Variants in SLC14A2 observed in about 807,000 individuals in gnomAD.
SLC14A2 encodes solute carrier family 14 member 2.
SLC14A2 carries 91 observed loss-of-function variants against 104.6 expected under a neutral mutation model. That is an observed-to-expected ratio of 0.87 (90% CI 0.73 to 1.04). The LOEUF (loss-of-function observed/expected upper bound fraction) is 1.04. Ranked by LOEUF, SLC14A2 falls within the 50% of genes least tolerant of loss-of-function variation. The probability of loss-of-function intolerance (pLI) is 0.00; values close to 1 mark genes in which losing one functional copy is unlikely to be tolerated. For synonymous variants in SLC14A2, 476 were observed against 466.4 expected, an observed-to-expected ratio of 1.02 and a Z score of -0.27; for missense variants, 1,189 against 1,156.0, an observed-to-expected ratio of 1.03 and a Z score of -0.41.
chr18:45,204,699 AG>A, the SLC14A2 span, among the ~76,000 whole-genome samples: 14 of 152,136 alleles, frequency 9.2e-5, no homozygotes, highest in African/African-American at 3.4e-4. Context: ...GCTGATGTCA[AG>A]GGAAGATTTA....
chr18:45,369,322 G>T (rs908957713), intron 1 of SLC14A2, among the ~76,000 whole-genome samples: 1 of 152,110 alleles, frequency 6.6e-6, no homozygotes, highest in Non-Finnish European at 1.5e-5. Context: ...AAGGGTGTTT[G>T]TTCTCTTCTG....
chr18:45,466,962 A>G lies in SLC14A2; in HGVS notation c.-124-16271A>G, dbSNP rs116453914. 3.5e-3 allele frequency among the ~76,000 whole-genome samples: 536 copies of G among 152,150 alleles called. 3 individuals are homozygous for G. The highest frequency in any genetic ancestry group is 0.013 in the African/African-American group (523 of 41,502). On this transcript the variant is annotated intron_variant, in intron 1 of 20. Coordinates refer to the SLC14A2 transcript ENST00000586448. ...CCGCGGAGCTCTAATTCTTTCAGGGACATGTGTATTTTATTTCTTATCTAC... is the reference window on the plus strand; with the variant it reads ...CCGCGGAGCTCTAATTCTTTCAGGGGCATGTGTATTTTATTTCTTATCTAC...
At chr18:45,322,840 G>A (rs187464294) in intron 1 of SLC14A2, among the ~76,000 whole-genome samples, 22 of 152,206 alleles carry the variant, frequency 1.4e-4, no homozygotes, top group African/African-American at 4.8e-4. Flanking sequence ...CAGAGACACC[G>A]AGGTTCTTTG....
At chr18:45,345,453 T>C (rs1369692829) in intron 1 of SLC14A2, among the ~76,000 whole-genome samples, 7 of 152,154 alleles carry the variant, frequency 4.6e-5, no homozygotes, top group Admixed American at 4.6e-4. Context: ...GATCATGCCA[T>C]GCACGTGATG....
At chr18:45,392,772 G>A (rs1453745679) in intron 1 of SLC14A2, among the ~76,000 whole-genome samples, 3 of 152,160 alleles carry the variant, frequency 2.0e-5, no homozygotes, top group South Asian at 4.1e-4. Flanking sequence ...GAGCACATTT[G>A]TTGTCTAATA....
At chr18:45,535,808 C>T (rs1443148483) in intron 2 of SLC14A2, among the ~76,000 whole-genome samples, 1 of 152,204 alleles carries the variant, frequency 6.6e-6, no homozygotes, top group Admixed American at 6.5e-5. Context: ...CAGATCCCTA[C>T]TTACTAAACA....
chr18:45,486,014 C>G (rs1159138679), intron 2 of SLC14A2, among the ~76,000 whole-genome samples: 2 of 152,156 alleles, frequency 1.3e-5, no homozygotes, highest in African/African-American at 4.8e-5. Context: ...CTCTACTTCC[C>G]CTACTTTCTT....
At chr18:45,518,788 C>T (rs775899094) in intron 2 of SLC14A2, among the ~76,000 whole-genome samples, 1 of 152,162 alleles carries the variant, frequency 6.6e-6, no homozygotes, top group Non-Finnish European at 1.5e-5. Context: ...AGCAGGAGGA[C>T]CTCAGGTTTT....
chr18:45,290,753 A>C (rs536904182), intron 1 of SLC14A2, among the ~76,000 whole-genome samples: 1 of 152,056 alleles, frequency 6.6e-6, no homozygotes, highest in South Asian at 2.1e-4. Flanking sequence ...TGGTTAAACA[A>C]AATATTAATT....
At chr18:45,286,006 C>G (rs550713462) in intron 1 of SLC14A2, among the ~76,000 whole-genome samples, 102 of 152,264 alleles carry the variant, frequency 6.7e-4, no homozygotes, top group African/African-American at 2.4e-3. Context: ...AGCTCCCTAC[C>G]ACTGCCCTAG....
At chr18:45,328,658 A>T (rs2085259610) in intron 1 of SLC14A2, among the ~76,000 whole-genome samples, 1 of 152,124 alleles carries the variant, frequency 6.6e-6, no homozygotes, top group Non-Finnish European at 1.5e-5. Flanking sequence ...CTCTTCCTTG[A>T]CCCTAACTGG....
intron 18 of SLC14A2, among the ~76,000 whole-genome samples, chr18:45,675,347 G>T (rs1051732345): frequency 5.3e-5 from 8 of 152,124 alleles, no homozygotes; most frequent in Admixed American, 1.3e-4. Context: ...TGTAGCCGTG[G>T]TGCCTGAGGC....
intron 1 of SLC14A2, among the ~76,000 whole-genome samples, chr18:45,414,197 G>C (rs1001708221): frequency 6.6e-6 from 1 of 152,144 alleles, no homozygotes; most frequent in African/African-American, 2.4e-5. Context: ...GCTTTGACCT[G>C]GCCAAGAGAA....
intron 1 of SLC14A2, chr18:45,423,913 A>T (rs1568195229): frequency 6.6e-6 from 1 of 152,174 alleles, no homozygotes; most frequent in Non-Finnish European, 1.5e-5. Context: ...CCCAAGATTT[A>T]TTGAGTCCAT....
chr18:45,322,949 C>T (rs996913397), intron 1 of SLC14A2, among the ~76,000 whole-genome samples: 61 of 152,116 alleles, frequency 4.0e-4, no homozygotes, highest in Non-Finnish European at 6.0e-4. Context: ...ATAATTATTT[C>T]GAAATCAAAA....
At chr18:45,606,298 T>A (rs1026401244) in intron 2 of SLC14A2, among the ~76,000 whole-genome samples, 1 of 152,130 alleles carries the variant, frequency 6.6e-6, no homozygotes, top group Non-Finnish European at 1.5e-5. Flanking sequence ...CATCCATCAA[T>A]GAGAGTTCAG....
At chr18:45,492,093 A>T (rs1260967318) in intron 2 of SLC14A2, 1 of 152,248 alleles carries the variant, frequency 6.6e-6, no homozygotes, top group Non-Finnish European at 1.5e-5. Context: ...AGTGACCTTA[A>T]GATCTGAGGT....
intron 1 of SLC14A2, among the ~76,000 whole-genome samples, chr18:45,314,642 A>C (rs2085111002): frequency 6.6e-6 from 1 of 152,224 alleles, no homozygotes; most frequent in Admixed American, 6.5e-5. Context: ...TGTCCTGACA[A>C]ACTTGCCCCA....
intron 1 of SLC14A2, among the ~76,000 whole-genome samples, chr18:45,618,648 G>A (rs899011527): frequency 5.9e-5 from 7 of 118,956 alleles, no homozygotes; most frequent in Admixed American, 2.2e-4. Flanking sequence ...CAAGCTGGGT[G>A]ACAAGAGCGA....
Sources: gnomAD v4.1 joint callset for allele counts (sites outside exome capture counted in the v4.1 genomes callset) on GRCh38, gnomAD v4.1.1 for gene constraint, MANE v1.5 for transcripts, NCBI Gene and HGNC (gene_info 2026-07-23, HGNC 2026-07-21) for gene names.